The following IL7 variants were observed in gnomAD, a reference collection of about 807,000 sequenced individuals.
IL7 encodes interleukin-7.
IL7 carries 3 observed loss-of-function variants against 21.6 expected under a neutral mutation model. The observed-to-expected ratio is 0.14, with a 90% CI of 0.06 to 0.36. IL7 has a LOEUF of 0.36. Among genes scored for constraint, IL7 ranks in the 10% least tolerant of loss-of-function variants. The probability of loss-of-function intolerance (pLI) is 1.00; values close to 1 mark genes in which losing one functional copy is unlikely to be tolerated. For missense variants in IL7, 175 were observed against 200.2 expected (o/e 0.87, Z 0.76); for synonymous variants, 62 against 68.1 (o/e 0.91, Z 0.44).
intron 2 of IL7, among the ~76,000 whole-genome samples, chr8:78,795,881 T>C (rs896257556): frequency 6.6e-6 from 1 of 152,036 alleles, no homozygotes; most frequent in Non-Finnish European, 1.5e-5. Flanking sequence ...AGTATCTCTT[T>C]TTAGTTTCCA....
chr8:78,735,625 C>T (rs530227651), intron 5 of IL7, among the ~76,000 whole-genome samples: 1 of 151,988 alleles, frequency 6.6e-6, no homozygotes, highest in East Asian at 1.9e-4. Context: ...TCTAAACTTT[C>T]CAAATTCTCT....
chr8:78,747,503 G>A (rs1377470450), intron 2 of IL7, among the ~76,000 whole-genome samples: 1 of 151,992 alleles, frequency 6.6e-6, no homozygotes, highest in Admixed American at 6.6e-5. Context: ...CTTATTTAGG[G>A]GGCCTTTTAA....
At chr8:78,756,911 G>T (rs1448317497) in intron 2 of IL7, among the ~76,000 whole-genome samples, 2 of 150,360 alleles carry the variant, frequency 1.3e-5, no homozygotes, top group African/African-American at 4.9e-5. Context: ...CTTTATTTTT[G>T]CCTTCTTTGT....
At chr8:78,675,852 C>T (rs753704751) in exon 5 of IL7, 1 of 1,610,792 alleles carries the variant, frequency 6.2e-7, no homozygotes, top group Admixed American at 1.7e-5. Context: ...AACATTCTTT[C>T]CAGTAGCATT....
chr8:78,682,354 A>G (rs1326614456), intron 4 of IL7, among the ~76,000 whole-genome samples: 1 of 147,868 alleles, frequency 6.8e-6, no homozygotes, highest in African/African-American at 2.7e-5. Context: ...TGGGTAATTT[A>G]TAAAGAAAAG....
Position 78,804,947 on chromosome 8 carries a change from A to C in IL7, c.-25T>G, listed in dbSNP as rs1236959809. On this transcript the variant is annotated 5_prime_UTR_variant, in exon 1 of 6. An upstream start codon of the reference 5' UTR is lost. Transcript: ENST00000263851. ...TGGTCTGCGGGAGGCGGGCGTAGTC[A>C]TGATGACCGCAACTGGAGCAGGAGC... is the stretch of plus-strand genomic sequence containing the variant. 3.7e-6 allele frequency: 6 copies of C among 1,610,182 alleles called. No homozygotes were observed. Among genetic ancestry groups the C allele is most frequent in the Non-Finnish European group, 5.1e-6 (6 of 1,177,958 alleles).
At chr8:78,754,504 A>G (rs1291647502) in intron 2 of IL7, among the ~76,000 whole-genome samples, 1 of 152,184 alleles carries the variant, frequency 6.6e-6, no homozygotes, top group Non-Finnish European at 1.5e-5. Flanking sequence ...CCAACAAGCT[A>G]TCACTGAAAT....
At chr8:78,737,973 A>G (rs1298904583) in intron 4 of IL7, among the ~76,000 whole-genome samples, 2 of 152,156 alleles carry the variant, frequency 1.3e-5, no homozygotes, top group Non-Finnish European at 2.9e-5. Flanking sequence ...GATGTCTTCC[A>G]TATTTGGTTT....
intron 2 of IL7, chr8:78,760,917 T>G (rs1586078796): frequency 6.4e-7 from 1 of 1,558,094 alleles, no homozygotes; most frequent in South Asian, 1.2e-5. Context: ...ACATCAGAGG[T>G]TTGCCCCTGG....
chr8:78,778,620 T>C (rs1813211009), intron 2 of IL7, among the ~76,000 whole-genome samples: 1 of 152,124 alleles, frequency 6.6e-6, no homozygotes, highest in African/African-American at 2.4e-5. Context: ...TTTGTATGAG[T>C]ACTGTGCTAT....
intron 3 of IL7, among the ~76,000 whole-genome samples, chr8:78,690,649 C>T (rs1258742978): frequency 6.6e-6 from 1 of 151,744 alleles, no homozygotes; most frequent in East Asian, 1.9e-4. Flanking sequence ...AAAATGACTT[C>T]TAGCATTTGA....
At chr8:78,781,183 G>A (rs1813314826) in intron 2 of IL7, among the ~76,000 whole-genome samples, 1 of 152,130 alleles carries the variant, frequency 6.6e-6, no homozygotes. Flanking sequence ...TTGCCACTCT[G>A]TGCCTTTTAA....
chr8:78,732,725 C>A (rs868092971), downstream of IL7: 1 of 152,080 alleles, frequency 6.6e-6, no homozygotes, highest in Non-Finnish European at 1.5e-5. Flanking sequence ...TATTAAAAAT[C>A]TCATCTTAAA....
intron 2 of IL7, among the ~76,000 whole-genome samples, chr8:78,770,724 T>C (rs1812921676): frequency 6.6e-6 from 1 of 151,560 alleles, no homozygotes; most frequent in South Asian, 2.1e-4. Context: ...CGCACACAAG[T>C]GAGATAGGTA....
intron 2 of IL7, among the ~76,000 whole-genome samples, chr8:78,750,841 A>G (rs1812144723): frequency 6.6e-6 from 1 of 152,232 alleles, no homozygotes; most frequent in South Asian, 2.1e-4. Flanking sequence ...GAAAATAAAT[A>G]AAGTCTATGA....
intron 4 of IL7, among the ~76,000 whole-genome samples, chr8:78,677,916 G>A (rs1360787876): frequency 6.6e-6 from 1 of 152,150 alleles, no homozygotes. Flanking sequence ...GTTATTTCTT[G>A]ATGATATGCT....
At chr8:78,683,976 A>G (rs1809871786) in intron 4 of IL7, among the ~76,000 whole-genome samples, 1 of 152,150 alleles carries the variant, frequency 6.6e-6, no homozygotes, top group Non-Finnish European at 1.5e-5. Context: ...TCCATCTGAG[A>G]CCACCTTAGC....
intron 4 of IL7, among the ~76,000 whole-genome samples, 186 bp from the exon 5 acceptor site, chr8:78,736,713 G>T (rs1381976117): frequency 2.0e-5 from 3 of 152,118 alleles, no homozygotes; most frequent in Admixed American, 2.0e-4. Flanking sequence ...GGTAAAGGAA[G>T]AAGCAAGATA....
At chr8:78,769,874 A>G (rs1441662909) in intron 2 of IL7, among the ~76,000 whole-genome samples, 4 of 152,178 alleles carry the variant, frequency 2.6e-5, no homozygotes, top group Non-Finnish European at 5.9e-5. Flanking sequence ...CCTCAGAAAT[A>G]ATGCCACACA....
Sources: allele counts gnomAD v4.1 joint callset (sites outside exome capture counted in the v4.1 genomes callset), GRCh38; gene constraint gnomAD v4.1.1; transcripts MANE v1.5; gene names NCBI Gene and HGNC (gene_info 2026-07-23, HGNC 2026-07-21).